The following CLPB variants were observed in gnomAD, a reference collection of about 807,000 sequenced individuals.
The protein encoded by CLPB is mitochondrial disaggregase.
In CLPB, 40 loss-of-function variants were observed where a neutral mutation model predicts 78.4. That is an observed-to-expected ratio of 0.51 (90% CI 0.40 to 0.66). The LOEUF (loss-of-function observed/expected upper bound fraction) is 0.66. Among genes scored for constraint, CLPB ranks in the 30% least tolerant of loss-of-function variants. The pLI, the probability that CLPB is intolerant of heterozygous loss-of-function variation, is 0.00. For missense variants in CLPB, 780 were observed against 886.9 expected, an observed-to-expected ratio of 0.88 and a Z score of 1.53; for synonymous variants, 333 against 348.0, an observed-to-expected ratio of 0.96 and a Z score of 0.48.
chr11:72,316,306 C>T (rs1330427733), intron 7 of CLPB, among the ~76,000 whole-genome samples: 1 of 152,144 alleles, frequency 6.6e-6, no homozygotes, highest in East Asian at 1.9e-4. Context: ...ATAGTGATGC[C>T]GCTGGTCCAG....
intron 4 of CLPB, 193 bp from the exon 5 acceptor site, chr11:72,359,201 GT>G: frequency 1.3e-6 from 1 of 741,524 alleles, no homozygotes; most frequent in African/African-American, 1.7e-5. Flanking sequence ...GTTCCACAAT[GT>G]TTACTGACAT....
At chr11:72,362,365 A>T (rs1017772148) in intron 4 of CLPB, among the ~76,000 whole-genome samples, 1 of 152,254 alleles carries the variant, frequency 6.6e-6, no homozygotes, top group Non-Finnish European at 1.5e-5. Context: ...CAATGAATAC[A>T]GGAAGTGTGA....
intron 6 of CLPB, among the ~76,000 whole-genome samples, chr11:72,318,837 C>T (rs895029456): frequency 3.3e-5 from 5 of 152,198 alleles, no homozygotes; most frequent in African/African-American, 1.2e-4. Context: ...GCAGCTCCCT[C>T]AGGCGCCACA....
chr11:72,351,878 A>AT (rs1258422847), intron 5 of CLPB, among the ~76,000 whole-genome samples: 5 of 151,376 alleles, frequency 3.3e-5, no homozygotes, highest in South Asian at 2.1e-4. Flanking sequence ...GCCTCCCCTC[A>AT]TTTTTTTTTA....
At chr11:72,424,380 GT>G (rs1856302868) in intron 2 of CLPB, among the ~76,000 whole-genome samples, 1 of 152,074 alleles carries the variant, frequency 6.6e-6, no homozygotes. Flanking sequence ...TTTTCCTGTA[GT>G]TCCTGGAATA....
chr11:72,430,375 G>A lies in CLPB; in HGVS notation c.404-12C>T. 1 of 1,612,402 alleles carries A rather than the reference G, an allele frequency of 6.2e-7. No individual in the cohort carries two copies. Among genetic ancestry groups the A allele is most frequent in the South Asian group, 1.1e-5 (1 of 90,400 alleles). On this transcript the variant is annotated splice_polypyrimidine_tract_variant and intron_variant, in intron 1 of 15. Transcript: ENST00000538039. Reference sequence around the variant, plus strand: ...CAACAGGGCTGCATCTGAAGAGAAAGGGGGCACTGGTCAGATCCGCGGCCA... The same window carrying A: ...CAACAGGGCTGCATCTGAAGAGAAAAGGGGCACTGGTCAGATCCGCGGCCA...
rs558596055 is a variant in CLPB, at chr11:72,364,748, C to A, written c.647-5740G>T. On this transcript the variant is annotated intron_variant, in intron 4 of 15. Transcript: ENST00000538039. ...GACCCTGGTGACCCCAGTATGACTC[C>A]TCAGCAGGCAGCAACGTGTATTAGA... 1.0e-3 allele frequency among the ~76,000 whole-genome samples: 159 copies of A among 152,072 alleles called. 1 individual carries two copies. Among genetic ancestry groups the A allele is most frequent in the Non-Finnish European group, 4.7e-4 (32 of 68,014 alleles).
At chr11:72,404,072 T>C (rs557712145) in intron 2 of CLPB, among the ~76,000 whole-genome samples, 1 of 152,188 alleles carries the variant, frequency 6.6e-6, no homozygotes, top group South Asian at 2.1e-4. Context: ...CAGTGACTGG[T>C]TGGCAGTGAC....
rs74536567 is a variant in CLPB at position 72,344,612 on chromosome 11, C to T, written c.775+14268G>A. On this transcript the variant is annotated intron_variant, in intron 5 of 15. Transcript: ENST00000538039. ...CAAGTTATTGAGTGTCACCGAAGCCCGAGTCCTCAGCCCTTATTCCTTTCT... is the reference window on the plus strand; with the variant it reads ...CAAGTTATTGAGTGTCACCGAAGCCTGAGTCCTCAGCCCTTATTCCTTTCT... Among the ~76,000 whole-genome samples, 1,409 of 152,172 alleles carry T rather than the reference C, an allele frequency of 9.3e-3. 21 individuals carry two copies. The highest frequency in any genetic ancestry group is 0.033 in the African/African-American group (1,350 of 41,514).
At chr11:72,315,803 G>A (rs570389960) in intron 7 of CLPB, among the ~76,000 whole-genome samples, 14 of 152,318 alleles carry the variant, frequency 9.2e-5, no homozygotes, top group African/African-American at 3.4e-4. Context: ...CTAGCTTGGA[G>A]AACTCAGGGA....
At chr11:72,432,084 CT>C (rs961105106) in intron 1 of CLPB, among the ~76,000 whole-genome samples, 6 of 152,312 alleles carry the variant, frequency 3.9e-5, no homozygotes, top group Admixed American at 1.3e-4. Context: ...TACCCCACCC[CT>C]GACTGGCATC....
chr11:72,416,754 AAG>A (rs1856038435), intron 2 of CLPB, among the ~76,000 whole-genome samples: 2 of 151,408 alleles, frequency 1.3e-5, no homozygotes, highest in African/African-American at 4.9e-5. Context: ...AAAAAAAAAA[AAG>A]AAAAAAGAAT....
chr11:72,319,827 C>A (rs900269176), intron 6 of CLPB, among the ~76,000 whole-genome samples: 26 of 152,162 alleles, frequency 1.7e-4, no homozygotes, highest in African/African-American at 6.0e-4. Context: ...AAATGTGACT[C>A]CTCTTCTCCT....
chr11:72,330,844 G>A (rs1468760612), intron 5 of CLPB, among the ~76,000 whole-genome samples: 1 of 152,132 alleles, frequency 6.6e-6, no homozygotes, highest in African/African-American at 2.4e-5. Flanking sequence ...CTCTTGCTCA[G>A]GAAGTACTGT....
intron 7 of CLPB, among the ~76,000 whole-genome samples, chr11:72,313,489 T>A (rs893436797): frequency 6.6e-6 from 1 of 152,222 alleles, no homozygotes; most frequent in Non-Finnish European, 1.5e-5. Flanking sequence ...GTTCAACAAC[T>A]TTTTATACAC....
intron 6 of CLPB, among the ~76,000 whole-genome samples, chr11:72,323,265 C>T (rs1950074265): frequency 6.6e-6 from 1 of 152,162 alleles, no homozygotes; most frequent in Non-Finnish European, 1.5e-5. Flanking sequence ...AACCAACCTG[C>T]ACTTGTTAAA....
chr11:72,393,041 CCAGA>C (rs1855300743), intron 3 of CLPB, among the ~76,000 whole-genome samples: 1 of 152,102 alleles, frequency 6.6e-6, no homozygotes, highest in African/African-American at 2.4e-5. Flanking sequence ...AGTGGTGAAC[CCAGA>C]CAGAGGTGAT....
At chr11:72,361,810 T>C (rs918690096) in intron 4 of CLPB, among the ~76,000 whole-genome samples, 7 of 152,208 alleles carry the variant, frequency 4.6e-5, no homozygotes, top group Non-Finnish European at 1.0e-4. Flanking sequence ...GGAGATATAA[T>C]AATAAATAAG....
intron 12 of CLPB, 47 bp downstream of exon 12, chr11:72,295,445 C>G: frequency 6.3e-7 from 1 of 1,595,168 alleles, no homozygotes; most frequent in Non-Finnish European, 8.6e-7. Flanking sequence ...AGGAGATAGG[C>G]TGGTGGCTTG....
Sources: gnomAD v4.1 joint callset for allele counts (sites outside exome capture counted in the v4.1 genomes callset) on GRCh38, gnomAD v4.1.1 for gene constraint, MANE v1.5 for transcripts, NCBI Gene and HGNC (gene_info 2026-07-23, HGNC 2026-07-21) for gene names.